Variants in DGLUCY observed in about 807,000 individuals in gnomAD.
DGLUCY encodes the protein D-glutamate cyclase, mitochondrial.
DGLUCY carries 58 observed loss-of-function variants against 58.5 expected under a neutral mutation model. That is an observed-to-expected ratio of 0.99 (90% CI 0.80 to 1.23). The LOEUF (loss-of-function observed/expected upper bound fraction) is 1.23. Ranked by LOEUF, DGLUCY falls within the 50% of genes most tolerant of loss-of-function variation. The probability of loss-of-function intolerance (pLI) is 0.00; values close to 1 mark genes in which losing one functional copy is unlikely to be tolerated. For missense variants in DGLUCY, 779 were observed against 784.7 expected (o/e 0.99, Z 0.09); for synonymous variants, 325 against 314.1 (o/e 1.03, Z -0.37).
intron 1 of DGLUCY, among the ~76,000 whole-genome samples, chr14:91,153,230 T>TGGA (rs2047418897): frequency 6.6e-6 from 1 of 152,230 alleles, no homozygotes; most frequent in Non-Finnish European, 1.5e-5. Flanking sequence ...TCGCCCAGGC[T>TGGA]GGAGTGCAGT....
chr14:91,118,518 G>A (rs2045145291), intron 1 of DGLUCY, among the ~76,000 whole-genome samples: 1 of 152,158 alleles, frequency 6.6e-6, no homozygotes, highest in Non-Finnish European at 1.5e-5. Flanking sequence ...ACATATTTGG[G>A]GGTAAGATAT....
chr14:91,093,441 A>G (rs1010279495), intron 1 of DGLUCY, among the ~76,000 whole-genome samples: 1 of 152,178 alleles, frequency 6.6e-6, no homozygotes, highest in Non-Finnish European at 1.5e-5. Context: ...ATCTAGCTAT[A>G]AAAAGGAATT....
At chr14:91,135,271 A>G (rs2046260388) in intron 1 of DGLUCY, among the ~76,000 whole-genome samples, 1 of 152,060 alleles carries the variant, frequency 6.6e-6, no homozygotes, top group Non-Finnish European at 1.5e-5. Flanking sequence ...TCTACTACAC[A>G]GGCTGGTATA....
Position 91,175,847 on chromosome 14 carries a change from T to G in DGLUCY, c.608-87T>G. The stretch of plus-strand genomic sequence containing the variant: ...AATAATCCTGCAATTTGAGTTTCTG[T>G]TTTAGAGAAAGAACCATAAACTACT... On this transcript the variant is annotated intron_variant, in intron 6 of 13. Transcript: ENST00000256324. 5 of 1,474,536 alleles carry G rather than the reference T, an allele frequency of 3.4e-6. No homozygotes were observed. In the Admixed American group the frequency reaches 5.4e-5, roughly 16 times the overall value. 91.3% of individuals were successfully genotyped at this position (1,474,536 alleles called of 1,614,324 possible).
At position 91,094,823 on chromosome 14, in the gene DGLUCY, C is replaced by CA. The variant is rs751631848; in HGVS notation, c.-82+34133dup. On this transcript the variant is annotated intron_variant, in intron 1 of 4. Coordinates refer to the DGLUCY transcript ENST00000521334. ...GGGTGACAAGAGCAAAACTCTCTCTCAAAAAAAAAAAAAAGTCTTCAGGCC... is the reference window on the plus strand; with the variant it reads ...GGGTGACAAGAGCAAAACTCTCTCTCAAAAAAAAAAAAAAAGTCTTCAGGCC... Among the ~76,000 whole-genome samples the CA allele has an allele frequency of 1.2e-3, 159 of 130,812 alleles. 2 individuals carry two copies. Among genetic ancestry groups the CA allele is most frequent in the Non-Finnish European group, 1.2e-3 (70 of 60,522 alleles). The allele number at this position is 130,812 out of a possible 152,430, so 85.8% of individuals were successfully genotyped here.
upstream of DGLUCY, among the ~76,000 whole-genome samples, chr14:91,111,298 T>TTGAGA (rs2044697367): frequency 6.6e-6 from 1 of 150,758 alleles, no homozygotes; most frequent in Non-Finnish European, 1.5e-5. Flanking sequence ...ATATTTTTTT[T>TTGAGA]TGAGATGGAG....
chr14:91,150,346 A>G (rs2047255298), intron 1 of DGLUCY, among the ~76,000 whole-genome samples: 1 of 151,936 alleles, frequency 6.6e-6, no homozygotes. Context: ...AATATTTGAT[A>G]TTCAAGACAC....
At chr14:91,219,993 G>T (rs1278785196) in intron 13 of DGLUCY, among the ~76,000 whole-genome samples, 1 of 152,230 alleles carries the variant, frequency 6.6e-6, no homozygotes, top group Non-Finnish European at 1.5e-5. Flanking sequence ...CCCTCAGCCC[G>T]ATGGAGGCCT....
chr14:91,089,727 A>C (rs1002599112), intron 1 of DGLUCY, among the ~76,000 whole-genome samples: 4 of 151,734 alleles, frequency 2.6e-5, no homozygotes, highest in Non-Finnish European at 5.9e-5. Flanking sequence ...AGGCTGATAC[A>C]GGAGAATCAC....
chr14:91,187,963 A>G (rs1344184489), intron 8 of DGLUCY, among the ~76,000 whole-genome samples: 3 of 152,020 alleles, frequency 2.0e-5, no homozygotes, highest in Non-Finnish European at 4.4e-5. Context: ...ATCCCCAGCT[A>G]ATGGTGCTGT....
chr14:91,225,071 C>T lies in DGLUCY; in HGVS notation c.*238C>T, dbSNP rs1270249460. The T allele has an allele frequency of 1.3e-5, 5 of 381,748 alleles. No individual in the cohort carries two copies. Among genetic ancestry groups the T allele is most frequent in the Non-Finnish European group, 2.3e-5 (5 of 219,986 alleles). The allele number at this position is 381,748 out of a possible 1,614,324, so 23.6% of individuals were successfully genotyped here. ...ACTTTTATTCCTAAGACTCTAAAGG[C>T]GTTGATTTCAACCCTCCTTCACTCT... On this transcript the variant is annotated 3_prime_UTR_variant, in exon 14 of 14. Coordinates refer to ENST00000256324, the MANE Select transcript of DGLUCY (RefSeq NM_001102368.3).
chr14:91,121,609 AAATAATAAT>A (rs55743510), intron 1 of DGLUCY, among the ~76,000 whole-genome samples: 19,291 of 142,654 alleles, frequency 0.14, 1,349 homozygotes, highest in Admixed American at 0.16. Flanking sequence ...TCCATCTCAA[AAATAATAAT>A]AATAATAATA....
At chr14:91,147,434 C>T (rs1412055291) in intron 1 of DGLUCY, among the ~76,000 whole-genome samples, 4 of 152,100 alleles carry the variant, frequency 2.6e-5, no homozygotes, top group Admixed American at 1.3e-4. Flanking sequence ...CAGAATAGGG[C>T]CCAGCCTCAA....
At chr14:91,176,176 C>A in intron 7 of DGLUCY, 120 bp downstream of exon 7, 1 of 1,236,432 alleles carries the variant, frequency 8.1e-7, no homozygotes, top group Non-Finnish European at 1.1e-6. Context: ...AAACAAAACA[C>A]AAAACAGAGG....
intron 1 of DGLUCY, among the ~76,000 whole-genome samples, chr14:91,143,128 C>T (rs2046817300): frequency 6.7e-6 from 1 of 149,284 alleles, no homozygotes; most frequent in East Asian, 2.0e-4. Flanking sequence ...CGGAGTCTTG[C>T]TCTGTCGCCC....
rs1361105970 is a variant in DGLUCY at position 91,084,299 on chromosome 14, G to A, written c.-82+23595G>A. Among the ~76,000 whole-genome samples, 3 of 151,620 alleles carry A rather than the reference G, an allele frequency of 2.0e-5. No individual in the cohort carries two copies. In the East Asian group the frequency reaches 5.8e-4, roughly 29 times the overall value. ...GCTCACTGCAACCTCCACCTCCTGG[G>A]TTCAAGAGATTTTCGTGCCTCAGCC... is the stretch of plus-strand genomic sequence containing the variant. On this transcript the variant is annotated intron_variant, in intron 1 of 4. Transcript: ENST00000521334.
chr14:91,123,748 A>G (rs1253805420), intron 1 of DGLUCY, among the ~76,000 whole-genome samples: 2 of 151,996 alleles, frequency 1.3e-5, no homozygotes, highest in African/African-American at 4.8e-5. Context: ...CGCCACAGCC[A>G]GCTGATTTTT....
intron 12 of DGLUCY, among the ~76,000 whole-genome samples, chr14:91,205,403 G>A (rs1289694447): frequency 6.6e-6 from 1 of 152,084 alleles, no homozygotes; most frequent in Admixed American, 6.6e-5. Flanking sequence ...GTCCGTCTAG[G>A]TGTGGCCTCC....
At chr14:91,077,676 C>T (rs1255918715) in intron 1 of DGLUCY, among the ~76,000 whole-genome samples, 7 of 150,688 alleles carry the variant, frequency 4.6e-5, no homozygotes, top group Admixed American at 6.6e-5. Context: ...CGCTTGAACC[C>T]GGGAGGCGGA....
Sources: allele counts gnomAD v4.1 joint callset (sites outside exome capture counted in the v4.1 genomes callset), GRCh38; gene constraint gnomAD v4.1.1; transcripts MANE v1.5; gene names NCBI Gene and HGNC (gene_info 2026-07-23, HGNC 2026-07-21).